ARHGAP22: variants seen among roughly 807,000 people sequenced by gnomAD.
ARHGAP22 encodes Rho GTPase activating protein 22.
In ARHGAP22, 48 loss-of-function variants were observed where a neutral mutation model predicts 59.1. The observed-to-expected ratio is 0.81, with a 90% confidence interval of 0.64 to 1.03. The LOEUF is 1.03. Ranked by LOEUF, ARHGAP22 falls within the 50% of genes least tolerant of loss-of-function variation. The probability of loss-of-function intolerance (pLI) is 0.00; values close to 1 mark genes in which losing one functional copy is unlikely to be tolerated. For missense variants in ARHGAP22, 1,015 were observed against 958.7 expected (o/e 1.06, Z -0.78); for synonymous variants, 445 against 416.4 (o/e 1.07, Z -0.84).
intron 2 of ARHGAP22, among the ~76,000 whole-genome samples, chr10:48,571,555 C>T (rs1054715696): frequency 1.3e-5 from 2 of 152,296 alleles, no homozygotes; most frequent in East Asian, 3.9e-4. Flanking sequence ...AAGAAAGTCA[C>T]CTAATCTCTT....
chr10:48,580,187 A>G (rs1209968510), intron 2 of ARHGAP22, among the ~76,000 whole-genome samples: 2 of 152,136 alleles, frequency 1.3e-5, no homozygotes, highest in Non-Finnish European at 1.5e-5. Flanking sequence ...GGTTCAGTTT[A>G]GATTGGGCTT....
rs2045787641 is a variant in ARHGAP22, at chr10:48,450,340, C to T, written c.1789G>A (p.Glu597Lys). Residue 597 changes from glutamate to lysine, a missense_variant, in exon 9 of 10, where the codon GAG becomes AAG. Glu to Lys is a moderately conservative substitution (Grantham distance 56, BLOSUM62 1). Transcript: ENST00000249601. ...TCAGTGACCAGCCCCTGTAAGGCCTCGGAGCGGCGCGCGTGTTCCCGGGTG... is the reference window on the plus strand; with the variant it reads ...TCAGTGACCAGCCCCTGTAAGGCCTTGGAGCGGCGCGCGTGTTCCCGGGTG... ...SPTREHARRS[E>K]ALQGLVTELR... The T allele has an allele frequency of 3.8e-6, 6 of 1,596,218 alleles. No individual in the cohort carries two copies. Among genetic ancestry groups the T allele is most frequent in the African/African-American group, 1.3e-5 (1 of 74,562 alleles).
intron 3 of ARHGAP22, among the ~76,000 whole-genome samples, chr10:48,541,535 T>C (rs1216954943): frequency 6.6e-6 from 1 of 152,004 alleles, no homozygotes; most frequent in South Asian, 2.1e-4. Context: ...CAGCCTGGAG[T>C]CTAGATCCAT....
At chr10:48,547,406 G>A (rs2056535708) in intron 3 of ARHGAP22, among the ~76,000 whole-genome samples, 1 of 152,264 alleles carries the variant, frequency 6.6e-6, no homozygotes, top group Admixed American at 6.5e-5. Flanking sequence ...TGGTGTTTGG[G>A]GAGTTGGGGG....
rs994751324 is a variant in ARHGAP22 at position 48,591,350 on chromosome 10, G to A, written c.35-8198C>T. 1.3e-3 allele frequency among the ~76,000 whole-genome samples: 197 copies of A among 152,190 alleles called. 1 individual carries two copies. Among genetic ancestry groups the A allele is most frequent in the African/African-American group, 4.6e-3 (192 of 41,444 alleles). Reference sequence around the variant, plus strand: ...CTGTGCAACGCGAAGTCACCCCGAGGCACAGGGCCAGCAGAGGAGGAACCA... The same window carrying A: ...CTGTGCAACGCGAAGTCACCCCGAGACACAGGGCCAGCAGAGGAGGAACCA... On this transcript the variant is annotated intron_variant, in intron 1 of 9. Coordinates refer to ENST00000249601, the MANE Select transcript of ARHGAP22 (RefSeq NM_021226.4).
At chr10:48,515,080 A>C (rs895384652) in intron 3 of ARHGAP22, among the ~76,000 whole-genome samples, 2 of 152,194 alleles carry the variant, frequency 1.3e-5, no homozygotes, top group Non-Finnish European at 2.9e-5. Context: ...GGCTAACATA[A>C]ATCTGTATTA....
chr10:48,446,880 C>A (rs1378500477), intron 9 of ARHGAP22, among the ~76,000 whole-genome samples: 1 of 152,234 alleles, frequency 6.6e-6, no homozygotes, highest in Non-Finnish European at 1.5e-5. Flanking sequence ...CGGTGCCTCC[C>A]TGGGTCCGCA....
At chr10:48,531,622 G>A (rs1318085476) in intron 3 of ARHGAP22, among the ~76,000 whole-genome samples, 2 of 151,830 alleles carry the variant, frequency 1.3e-5, no homozygotes, top group East Asian at 1.9e-4. Flanking sequence ...CTATGCATTC[G>A]ATGTCATCAT....
At chr10:48,613,989 T>C (rs1475509819) in intron 1 of ARHGAP22, among the ~76,000 whole-genome samples, 1 of 152,192 alleles carries the variant, frequency 6.6e-6, no homozygotes, top group Non-Finnish European at 1.5e-5. Flanking sequence ...CCTTCTGTCT[T>C]CGCCTGGGGC....
chr10:48,572,454 A>G (rs3925980), intron 2 of ARHGAP22, among the ~76,000 whole-genome samples: 58,692 of 152,016 alleles, frequency 0.39, 12,757 homozygotes, highest in East Asian at 0.89. Context: ...GGCTCTGACC[A>G]GTTAACAAGA....
the ARHGAP22 span, chr10:48,430,131 T>G: frequency 1.3e-5 from 2 of 152,320 alleles, no homozygotes; most frequent in African/African-American, 4.8e-5. Context: ...CCTTGCTCCG[T>G]TGCCCAGGCT....
intron 2 of ARHGAP22, chr10:48,582,714 C>T: frequency 1.7e-6 from 1 of 572,460 alleles, no homozygotes; most frequent in Non-Finnish European, 3.1e-6. Flanking sequence ...CAAGGACATT[C>T]TCTATCAACA....
intron 3 of ARHGAP22, among the ~76,000 whole-genome samples, chr10:48,520,894 G>A (rs2053747361): frequency 6.6e-6 from 1 of 152,114 alleles, no homozygotes; most frequent in African/African-American, 2.4e-5. Flanking sequence ...TCGCTGCCCT[G>A]GAACAAAGCT....
chr10:48,548,022 G>A (rs1228929657), intron 3 of ARHGAP22, among the ~76,000 whole-genome samples: 1 of 152,218 alleles, frequency 6.6e-6, no homozygotes, highest in African/African-American at 2.4e-5. Flanking sequence ...AGATGCCAGA[G>A]TGGATAGGCC....
At chr10:48,467,908 G>A (rs1246532861) in intron 4 of ARHGAP22, among the ~76,000 whole-genome samples, 2 of 152,200 alleles carry the variant, frequency 1.3e-5, no homozygotes, top group Non-Finnish European at 2.9e-5. Context: ...GCAGAGCTGG[G>A]TCACGCCTCT....
intron 3 of ARHGAP22, among the ~76,000 whole-genome samples, chr10:48,507,813 G>A (rs566639674): frequency 1.7e-4 from 26 of 151,148 alleles, no homozygotes; most frequent in African/African-American, 5.6e-4. Flanking sequence ...TTTGTAATTC[G>A]CTTAAGGATA....
At chr10:48,482,776 C>T (rs2049457921) in intron 3 of ARHGAP22, among the ~76,000 whole-genome samples, 1 of 152,008 alleles carries the variant, frequency 6.6e-6, no homozygotes, top group African/African-American at 2.4e-5. Context: ...GTTTATTATT[C>T]CTATGTGTTG....
intron 2 of ARHGAP22, among the ~76,000 whole-genome samples, chr10:48,571,132 C>A (rs764765767): frequency 2.0e-5 from 3 of 152,172 alleles, no homozygotes; most frequent in Admixed American, 6.6e-5. Flanking sequence ...GGCCAACTTG[C>A]TACCCAGTGG....
intron 3 of ARHGAP22, among the ~76,000 whole-genome samples, chr10:48,552,681 T>A (rs2056993902): frequency 6.6e-6 from 1 of 152,204 alleles, no homozygotes; most frequent in Non-Finnish European, 1.5e-5. Flanking sequence ...GACTGACCCC[T>A]GCTCATCTCA....
Sources: allele counts gnomAD v4.1 joint callset (sites outside exome capture counted in the v4.1 genomes callset), GRCh38; gene constraint gnomAD v4.1.1; transcripts MANE v1.5; gene names NCBI Gene and HGNC (gene_info 2026-07-23, HGNC 2026-07-21).